Variants in ARHGEF28 observed in about 807,000 individuals in gnomAD.
ARHGEF28 encodes the protein 190 kDa guanine nucleotide exchange factor.
Under a neutral mutation model 206.6 loss-of-function variants are expected in ARHGEF28, and 152 were observed. The ratio of observed to expected loss-of-function variants is 0.74; its 90% CI spans 0.64 to 0.84. ARHGEF28 has a LOEUF of 0.84. ARHGEF28 is among the 40% of genes least tolerant of loss of function. The pLI, the probability that ARHGEF28 is intolerant of heterozygous loss-of-function variation, is 0.00. For synonymous variants in ARHGEF28, 763 were observed against 776.4 expected (o/e 0.98, Z 0.29); for missense variants, 2,028 against 2,073.2 (o/e 0.98, Z 0.42).
intron 4 of ARHGEF28, among the ~76,000 whole-genome samples, chr5:73,761,392 T>C (rs1027246682): frequency 6.6e-6 from 1 of 152,160 alleles, no homozygotes; most frequent in Non-Finnish European, 1.5e-5. Flanking sequence ...GTTTTAAAAC[T>C]ACCAATGTTT....
At chr5:73,691,177 A>T (rs1304695768) in intron 2 of ARHGEF28, among the ~76,000 whole-genome samples, 1 of 152,028 alleles carries the variant, frequency 6.6e-6, no homozygotes, top group East Asian at 1.9e-4. Context: ...AGATCCACCC[A>T]CCTTGGACTC....
At chr5:73,924,100 T>A (rs1291966327) in intron 35 of ARHGEF28, among the ~76,000 whole-genome samples, 1 of 152,206 alleles carries the variant, frequency 6.6e-6, no homozygotes, top group East Asian at 1.9e-4. Context: ...CCCCATTGCC[T>A]GCAGCCAAGT....
intron 22 of ARHGEF28, 53 bp from the exon 23 acceptor site, chr5:73,882,415 TTGTG>T: frequency 8.4e-7 from 1 of 1,196,890 alleles, no homozygotes; most frequent in African/African-American, 1.6e-5. Flanking sequence ...TGCATATTTT[TTGTG>T]TGTTTAGAAC....
intron 2 of ARHGEF28, among the ~76,000 whole-genome samples, chr5:73,718,513 A>G (rs747133306): frequency 1.3e-5 from 2 of 152,258 alleles, no homozygotes; most frequent in Non-Finnish European, 1.5e-5. Context: ...CCTTGGCTTC[A>G]TGCAGTCCTC....
chr5:73,661,193 G>A (rs927910802), intron 1 of ARHGEF28, among the ~76,000 whole-genome samples: 2 of 152,184 alleles, frequency 1.3e-5, no homozygotes, highest in Non-Finnish European at 2.9e-5. Context: ...TGCTTCCCTT[G>A]CACTTTGATG....
intron 9 of ARHGEF28, among the ~76,000 whole-genome samples, chr5:73,827,458 T>C (rs1337367405): frequency 6.6e-6 from 1 of 152,250 alleles, no homozygotes; most frequent in Non-Finnish European, 1.5e-5. Context: ...CAGAGTCTGC[T>C]CTAATCACTT....
In ARHGEF28 at chr5:73,794,395, T is replaced by C; in HGVS notation, c.911-7T>C. ...TCAGCAGATCCTGATAATTATTTCT[T>C]TTGCAGAGATTAAGAATTCAGTGTC... On this transcript the variant is annotated splice_region_variant and splice_polypyrimidine_tract_variant and intron_variant, in intron 7 of 35. Coordinates refer to ENST00000513042, the MANE Select transcript of ARHGEF28 (RefSeq NM_001177693.2). 2 of 1,591,938 alleles carry C rather than the reference T, an allele frequency of 1.3e-6. No homozygotes were observed. Among genetic ancestry groups the C allele is most frequent in the Admixed American group, 1.7e-5 (1 of 57,174 alleles).
At chr5:73,940,822 C>G in intron 35 of ARHGEF28, 22 bp from the exon 36 acceptor site, 1 of 1,456,656 alleles carries the variant, frequency 6.9e-7, no homozygotes, top group Non-Finnish European at 9.0e-7. Context: ...CTCCTGTAAC[C>G]TGTGCTGTCT....
At chr5:73,735,750 G>A (rs887807151) in intron 2 of ARHGEF28, among the ~76,000 whole-genome samples, 2 of 152,156 alleles carry the variant, frequency 1.3e-5, no homozygotes, top group Admixed American at 6.5e-5. Flanking sequence ...CCATGCGATG[G>A]CCTCTGCCTT....
intron 26 of ARHGEF28, among the ~76,000 whole-genome samples, chr5:73,890,572 T>A (rs895557878): frequency 2.6e-5 from 4 of 152,168 alleles, no homozygotes; most frequent in African/African-American, 9.7e-5. Flanking sequence ...AGTGGTCTTG[T>A]CCCATTATAT....
At chr5:73,807,044 T>G (rs201264667) in intron 9 of ARHGEF28, among the ~76,000 whole-genome samples, 7,938 of 149,940 alleles carry the variant, frequency 0.053, 294 homozygotes, top group African/African-American at 0.094. Flanking sequence ...AGGTTTTTTT[T>G]TTTTTTTTTG....
intron 9 of ARHGEF28, among the ~76,000 whole-genome samples, chr5:73,807,487 C>CTTT (rs577924923): frequency 0.037 from 5,206 of 142,294 alleles, 121 homozygotes; most frequent in South Asian, 0.078. Flanking sequence ...CAATGTAATT[C>CTTT]TTTTTTTTTT....
At chr5:73,713,883 AAG>A (rs563563969) in intron 2 of ARHGEF28, among the ~76,000 whole-genome samples, 63 of 152,218 alleles carry the variant, frequency 4.1e-4, no homozygotes, top group African/African-American at 1.2e-3. Context: ...GAGAGAGAGA[AAG>A]AGAGGAAATA....
rs1206693057 is a variant in ARHGEF28, at chr5:73,864,814, C to T, written c.2048-3C>T. 2.5e-6 allele frequency: 4 copies of T among 1,611,276 alleles called. No individual in the cohort carries two copies. Among genetic ancestry groups the T allele is most frequent in the Non-Finnish European group, 3.4e-6 (4 of 1,178,560 alleles). ...GCTTTTGTATCTTTTCCCTTTATTTCAGACTGTAATGCAAATGTGCACAAA... is the reference window on the plus strand; with the variant it reads ...GCTTTTGTATCTTTTCCCTTTATTTTAGACTGTAATGCAAATGTGCACAAA... On this transcript the variant is annotated splice_polypyrimidine_tract_variant and splice_region_variant and intron_variant, in intron 16 of 35. Coordinates refer to ENST00000513042, the MANE Select transcript of ARHGEF28 (RefSeq NM_001177693.2).
intron 2 of ARHGEF28, among the ~76,000 whole-genome samples, chr5:73,711,129 A>G (rs1388671243): frequency 6.6e-6 from 1 of 152,150 alleles, no homozygotes; most frequent in Admixed American, 6.5e-5. Context: ...TGATTTTATT[A>G]TTTTAACGTA....
At chr5:73,638,729 C>T (rs2464432) in intron 1 of ARHGEF28, among the ~76,000 whole-genome samples, 56,639 of 151,958 alleles carry the variant, frequency 0.37, 12,071 homozygotes, top group African/African-American at 0.59. Context: ...CAGTTGAATA[C>T]CACTGAACTT....
chr5:73,856,770 A>G (rs538803583), intron 14 of ARHGEF28, among the ~76,000 whole-genome samples: 28 of 152,170 alleles, frequency 1.8e-4, no homozygotes, highest in African/African-American at 5.8e-4. Flanking sequence ...GAAAGGTGAG[A>G]ATTTTAGGGG....
intron 7 of ARHGEF28, among the ~76,000 whole-genome samples, chr5:73,790,604 T>A (rs116666003): frequency 0.01 from 1,569 of 151,302 alleles, 34 homozygotes; most frequent in African/African-American, 0.036. Context: ...TGTAAATAAG[T>A]GCCTCATTGT....
At chr5:73,703,995 G>A (rs1748766210) in intron 2 of ARHGEF28, among the ~76,000 whole-genome samples, 1 of 150,170 alleles carries the variant, frequency 6.7e-6, no homozygotes, top group Non-Finnish European at 1.5e-5. Context: ...CTGCACTTCA[G>A]CCTAGATGAC....
Sources: gnomAD v4.1 joint callset for allele counts (sites outside exome capture counted in the v4.1 genomes callset) on GRCh38, gnomAD v4.1.1 for gene constraint, MANE v1.5 for transcripts, NCBI Gene and HGNC (gene_info 2026-07-23, HGNC 2026-07-21) for gene names.